PSTK: variants seen among roughly 807,000 people sequenced by gnomAD.
PSTK encodes L-seryl-tRNA(Sec) kinase.
PSTK carries 26 observed loss-of-function variants against 38.6 expected under a neutral mutation model. The ratio of observed to expected loss-of-function variants is 0.67; its 90% CI spans 0.49 to 0.94. The LOEUF is 0.94. Among genes scored for constraint, PSTK ranks in the 40% least tolerant of loss-of-function variants. The pLI, the probability that PSTK is intolerant of heterozygous loss-of-function variation, is 0.00. For synonymous variants in PSTK, 181 were observed against 161.7 expected, an observed-to-expected ratio of 1.12 and a Z score of -0.91; for missense variants, 445 against 436.3, an observed-to-expected ratio of 1.02 and a Z score of -0.18.
intron 4 of PSTK, 36 bp from the exon 5 acceptor site, chr10:122,986,833 A>T (rs753977387): frequency 3.0e-6 from 4 of 1,318,676 alleles, no homozygotes; most frequent in Non-Finnish European, 4.3e-6. Context: ...TTATAAAACT[A>T]TGTGACTTCT....
In PSTK at chr10:122,990,320, T is replaced by C. The variant is rs1849115580; in HGVS notation, c.1024T>C (p.Phe342Leu). 5 of 1,517,772 alleles carry C rather than the reference T, an allele frequency of 3.3e-6. No individual in the cohort carries two copies. In the East Asian group the frequency reaches 1.2e-4, roughly 38 times the overall value. 94.0% of individuals were successfully genotyped at this position (1,517,772 alleles called of 1,614,324 possible). Residue 342 changes from phenylalanine (F) to leucine (L), a missense_variant, in exon 6 of 6, where the codon TTT (phenylalanine) becomes CTT (leucine). Physicochemically the swap from Phe to Leu is conservative, Grantham distance 22. Coordinates refer to ENST00000406217, the MANE Select transcript of PSTK (RefSeq NM_001363531.2). ...TIDIPDVISF[F>L]HYEKDNIVQK... ...TGACATACCAGATGTCATTTCTTTT[T>C]TTCATTATGAGAAAGATAATATTGT...
At chr10:122,984,128 A>C (rs1342581915) in intron 3 of PSTK, 1 of 152,646 alleles carries the variant, frequency 6.6e-6, no homozygotes, top group Non-Finnish European at 1.5e-5. Context: ...TATTTATTGG[A>C]CAGCGCAGTT....
chr10:122,987,327 TA>T (rs757602155), intron 5 of PSTK: 1 of 1,611,250 alleles, frequency 6.2e-7, no homozygotes, highest in South Asian at 1.1e-5. Flanking sequence ...GATTTATTTT[TA>T]AAAAGGTAAT....
In PSTK at chr10:122,980,442, G is replaced by A. The variant is rs775783856; in HGVS notation, c.-38G>A. 1 of 1,539,214 alleles carries A rather than the reference G, an allele frequency of 6.5e-7. No individual in the cohort carries two copies. The highest frequency in any genetic ancestry group is 1.9e-5 in the Admixed American group (1 of 52,624). ...CGCGCAGGGCAGACGGTAGAGCGGA[G>A]ACGACGCTCCCAGACTCCTCCGGTC... is the stretch of plus-strand genomic sequence containing the variant. On this transcript the variant is annotated 5_prime_UTR_variant, in exon 1 of 6. Transcript: ENST00000406217. This position sits in a 1 kb window ranked among gnomAD's most constrained non-coding sequence, Gnocchi z 4.3.
chr10:122,986,438 T>A, intron 4 of PSTK, 63 bp downstream of exon 4: 6 of 1,165,758 alleles, frequency 5.1e-6, no homozygotes, highest in Non-Finnish European at 7.7e-6. Flanking sequence ...GAAGATCTTT[T>A]GAGCCGAATA....
chr10:122,985,546 TTC>T (rs1446102289), intron 3 of PSTK: 5 of 152,234 alleles, frequency 3.3e-5, no homozygotes, highest in African/African-American at 1.2e-4. Flanking sequence ...AATGAATGAA[TTC>T]TACCTGAAAC....
At position 122,980,775 on chromosome 10, in the gene PSTK, C is replaced by T. The variant is rs906661382; in HGVS notation, c.216+80C>T. On this transcript the variant is annotated intron_variant, in intron 1 of 5. Transcript: ENST00000406217. The surrounding 1 kb of genome is among the most constrained non-coding windows in gnomAD (Gnocchi z 4.3). Reference sequence around the variant, plus strand: ...CGGGGCGGGGACACTCGCGTCCACGCGGTCCTGGGTGATTTGCCATGAGCG... The same window carrying T: ...CGGGGCGGGGACACTCGCGTCCACGTGGTCCTGGGTGATTTGCCATGAGCG... The T allele has an allele frequency of 3.1e-6, 4 of 1,293,608 alleles. 1 individual carries two copies. The highest frequency in any genetic ancestry group is 3.1e-5 in the African/African-American group (2 of 64,144). 80.1% of individuals were successfully genotyped at this position (1,293,608 alleles called of 1,614,324 possible). A position where few individuals can be genotyped will look rare whatever the true frequency, so the allele number is the denominator to read the frequency against.
At position 122,980,560 on chromosome 10, in the gene PSTK, C is replaced by T. The variant is rs1282939277; in HGVS notation, c.81C>T (p.Pro27=). ...KRGLCVLCGL[P]AAGKSTFARA... Reference sequence around the variant, plus strand: ...GCCTCTGCGTCCTCTGTGGCCTCCCCGCGGCAGGAAAATCGACTTTCGCGC... The same window carrying T: ...GCCTCTGCGTCCTCTGTGGCCTCCCTGCGGCAGGAAAATCGACTTTCGCGC... The change falls in exon 1 of 6, where the codon CCC becomes CCT. Residue 27 remains proline (P), a synonymous_variant. Transcript: ENST00000406217. The surrounding 1 kb of genome is among the most constrained non-coding windows in gnomAD (Gnocchi z 4.3). The T allele has an allele frequency of 1.9e-6, 3 of 1,611,952 alleles. No homozygotes were observed. Among genetic ancestry groups the T allele is most frequent in the South Asian group, 1.1e-5 (1 of 90,918 alleles).
rs1002904306 is a variant in PSTK, at chr10:122,980,578, T to C, written c.99T>C (p.Thr33=). Residue 33 remains threonine, a synonymous_variant, in exon 1 of 6, where the codon ACT becomes ACC. Transcript: ENST00000406217. The surrounding 1 kb of genome is among the most constrained non-coding windows in gnomAD (Gnocchi z 4.3). ...LCGLPAAGKS[T]FARALAHRLQ... is the part of the protein sequence containing the mutation. The stretch of plus-strand genomic sequence containing the variant: ...GCCTCCCCGCGGCAGGAAAATCGAC[T>C]TTCGCGCGCGCCCTCGCCCACCGGC... 3.7e-6 allele frequency: 6 copies of C among 1,611,948 alleles called. No individual in the cohort carries two copies. The African/African-American group carries it at 6.7e-5, about 18-fold the overall frequency.
In PSTK at chr10:122,986,379, A is replaced by C; in HGVS notation, c.783+4A>C. On this transcript the variant is annotated splice_donor_region_variant and intron_variant, in intron 4 of 5. Coordinates refer to ENST00000406217, the MANE Select transcript of PSTK (RefSeq NM_001363531.2). ...TGAGGACAATATGGAACAAAAGGTA[A>C]ACTTCCAGTGTAAATTTAATGTAAA... 6.3e-7 allele frequency: 1 copy of C among 1,589,536 alleles called. No individual in the cohort carries two copies.
intron 5 of PSTK, chr10:122,987,466 G>T (rs1849051176): frequency 6.2e-7 from 1 of 1,614,032 alleles, no homozygotes; most frequent in Admixed American, 1.7e-5. Flanking sequence ...TGGTTGCAGT[G>T]TTGCAGAATC....
In PSTK at chr10:122,990,133, T is replaced by TTA. The variant is rs570351292; in HGVS notation, c.878-40_878-39dup. On this transcript the variant is annotated intron_variant, in intron 5 of 5. Transcript: ENST00000406217. ...ATGTCATTAGACACCCCGGATTACTTTAATTTACACCAGTAATTTGAGAAT... is the reference window on the plus strand; with the variant it reads ...ATGTCATTAGACACCCCGGATTACTTTATAATTTACACCAGTAATTTGAGAAT... 249 of 1,365,672 alleles carry TTA rather than the reference T, an allele frequency of 1.8e-4. No individual in the cohort carries two copies. In the African/African-American group the frequency reaches 3.5e-3, roughly 19 times the overall value. The allele number at this position is 1,365,672 out of a possible 1,614,324, so 84.6% of individuals were successfully genotyped here. A position where few individuals can be genotyped will look rare whatever the true frequency, so the allele number is the denominator to read the frequency against.
At chr10:122,987,443 C>G (rs754766397) in intron 5 of PSTK, 3 of 1,613,930 alleles carry the variant, frequency 1.9e-6, no homozygotes, top group Non-Finnish European at 2.5e-6. Flanking sequence ...AGTGCAGAAG[C>G]GCAAAGGTTG....
chr10:122,980,461 T>C lies in PSTK; in HGVS notation c.-19T>C. On this transcript the variant is annotated 5_prime_UTR_variant, in exon 1 of 6. Transcript: ENST00000406217. The surrounding 1 kb of genome is among the most constrained non-coding windows in gnomAD (Gnocchi z 4.3). ...AGCGGAGACGACGCTCCCAGACTCC[T>C]CCGGTCTCCCCGGGCAGCATGAAGA... The C allele has an allele frequency of 6.3e-7, 1 of 1,576,184 alleles. No individual in the cohort carries two copies. Among genetic ancestry groups the C allele is most frequent in the Non-Finnish European group, 8.6e-7 (1 of 1,165,430 alleles).
intron 5 of PSTK, among the ~76,000 whole-genome samples, chr10:122,988,107 A>G (rs544389280): frequency 1.3e-5 from 2 of 152,348 alleles, no homozygotes; most frequent in Non-Finnish European, 2.9e-5. Flanking sequence ...CACATGTTTA[A>G]TGAACTCTGT....
At chr10:122,981,328 G>A (rs1241295914) in intron 1 of PSTK, among the ~76,000 whole-genome samples, 4 of 152,172 alleles carry the variant, frequency 2.6e-5, no homozygotes, top group African/African-American at 9.7e-5. Context: ...TTGACCACCA[G>A]AGGAAGTAAT....
At chr10:122,987,471 A>G (rs771351628) in intron 5 of PSTK, 1 of 1,614,170 alleles carries the variant, frequency 6.2e-7, no homozygotes, top group Non-Finnish European at 8.5e-7. Context: ...GCAGTGTTGC[A>G]GAATCGAGAA....
At position 122,986,280 on chromosome 10, in the gene PSTK, T is replaced by G; in HGVS notation, c.708-20T>G. 1.9e-6 allele frequency: 3 copies of G among 1,541,734 alleles called. No homozygotes were observed. The highest frequency in any genetic ancestry group is 2.6e-6 in the Non-Finnish European group (3 of 1,133,464). ...GTTGGATATAAGGATCTATTGTATT[T>G]TATCCCATTTTCTCTGTAGCCTGGA... is the stretch of plus-strand genomic sequence containing the variant. On this transcript the variant is annotated intron_variant, in intron 3 of 5. Transcript: ENST00000406217.
chr10:122,983,665 T>G, intron 3 of PSTK, 195 bp downstream of exon 3: 4 of 577,742 alleles, frequency 6.9e-6, no homozygotes, highest in East Asian at 5.8e-5. Context: ...TATTTGCAAA[T>G]GTCTGCTCAT....
Sources: allele counts gnomAD v4.1 joint callset (sites outside exome capture counted in the v4.1 genomes callset), GRCh38; gene constraint gnomAD v4.1.1; non-coding constraint Gnocchi (gnomAD v3.1); transcripts MANE v1.5; gene names NCBI Gene and HGNC (gene_info 2026-07-23, HGNC 2026-07-21).